The following ANO4 variants were observed in gnomAD, a reference collection of about 807,000 sequenced individuals.
ANO4 encodes the protein anoctamin-4.
In ANO4, 69 loss-of-function variants were observed where a neutral mutation model predicts 141.9. The ratio of observed to expected loss-of-function variants is 0.49; its 90% CI spans 0.40 to 0.59. ANO4 has a LOEUF of 0.59. Ranked by LOEUF, ANO4 falls within the 20% of genes least tolerant of loss-of-function variation. The pLI is 0.00. For missense variants in ANO4, 894 were observed against 1,162.2 expected, an observed-to-expected ratio of 0.77 and a Z score of 3.36; for synonymous variants, 350 against 394.3, an observed-to-expected ratio of 0.89 and a Z score of 1.33.
intron 8 of ANO4, among the ~76,000 whole-genome samples, chr12:101,012,057 A>G (rs1406719712): frequency 1.3e-5 from 2 of 152,310 alleles, no homozygotes; most frequent in African/African-American, 4.8e-5. Flanking sequence ...GCATCATTAT[A>G]AAATGATACT....
At chr12:100,907,414 T>G (rs780801482) in intron 2 of ANO4, among the ~76,000 whole-genome samples, 32 of 152,292 alleles carry the variant, frequency 2.1e-4, no homozygotes, top group Non-Finnish European at 4.0e-4. Flanking sequence ...GCTTTCTAGA[T>G]CTTATAGTCA....
upstream of ANO4, among the ~76,000 whole-genome samples, chr12:100,717,318 T>C (rs1412276714): frequency 1.3e-5 from 2 of 151,618 alleles, no homozygotes; most frequent in Non-Finnish European, 2.9e-5. Flanking sequence ...CCTGCCGCTC[T>C]CGCGGCGCAG....
At chr12:101,050,940 G>T (rs190833244) in intron 14 of ANO4, among the ~76,000 whole-genome samples, 32 of 152,250 alleles carry the variant, frequency 2.1e-4, no homozygotes, top group African/African-American at 7.2e-4. Flanking sequence ...GTGGTATCCT[G>T]GTGGTATCCT....
At chr12:100,923,804 T>C (rs1480117736) in intron 3 of ANO4, among the ~76,000 whole-genome samples, 1 of 152,182 alleles carries the variant, frequency 6.6e-6, no homozygotes, top group Non-Finnish European at 1.5e-5. Context: ...ATCTGTTGTT[T>C]CCTGGCTTTT....
At chr12:100,956,774 C>T (rs891154972) in intron 5 of ANO4, among the ~76,000 whole-genome samples, 2 of 152,164 alleles carry the variant, frequency 1.3e-5, no homozygotes, top group African/African-American at 2.4e-5. Flanking sequence ...TCTGATTGTT[C>T]AAGGGGATCT....
chr12:101,067,014 A>AAAAAAAAAAAAC, intron 14 of ANO4: 1 of 580,334 alleles, frequency 1.7e-6, no homozygotes, highest in South Asian at 2.1e-5. Context: ...AAAAAAAAAA[A>AAAAAAAAAAAAC]AAAGAAAGAA....
chr12:100,768,018 C>T lies in ANO4; in HGVS notation c.358+27913C>T, dbSNP rs114268698. Among the ~76,000 whole-genome samples, 1,211 of 152,150 alleles carry T rather than the reference C, an allele frequency of 8.0e-3. 17 individuals carry two copies. Among genetic ancestry groups the T allele is most frequent in the African/African-American group, 0.027 (1,137 of 41,506 alleles). ...TCAGTCAGCCTGTCTCTGTGGGTGC[C>T]GCCCTGGTCCCTTGGGCCATGGGGG... On this transcript the variant is annotated intron_variant, in intron 3 of 29. Transcript: ENST00000644049.
At chr12:100,986,748 C>T (rs1033432071) in intron 7 of ANO4, among the ~76,000 whole-genome samples, 8 of 152,138 alleles carry the variant, frequency 5.3e-5, no homozygotes, top group African/African-American at 1.7e-4. Flanking sequence ...GGTTTTTGCG[C>T]CTTCTGGTGT....
At chr12:100,844,450 A>T (rs2037453074) in intron 1 of ANO4, among the ~76,000 whole-genome samples, 1 of 152,084 alleles carries the variant, frequency 6.6e-6, no homozygotes, top group Non-Finnish European at 1.5e-5. Context: ...GGATGTGAGG[A>T]TGCCAGTTAA....
At position 101,040,007 on chromosome 12, in the gene ANO4, G is replaced by A. The variant is rs1202630749; in HGVS notation, c.950G>A (p.Arg317Gln). The change falls in exon 11 of 28, where the codon CGA (arginine) becomes CAA (glutamine). Residue 317 changes from arginine (R) to glutamine (Q), a missense_variant. By Grantham distance (43) the Arg-to-Gln change is conservative. Transcript: ENST00000392977. The part of the protein sequence containing the change: ...SIRTHGAENH[R>Q]HLLYECWASW... ...CGAACCCATGGAGCAGAAAACCACC[G>A]ACATCTACTCTATGAGTGCTGGGCC... 8.1e-6 allele frequency: 13 copies of A among 1,613,392 alleles called. No homozygotes were observed. Among genetic ancestry groups the A allele is most frequent in the South Asian group, 2.2e-5 (2 of 91,016 alleles).
intron 3 of ANO4, among the ~76,000 whole-genome samples, chr12:100,769,422 A>G (rs983060737): frequency 1.3e-5 from 2 of 152,218 alleles, no homozygotes; most frequent in Admixed American, 1.3e-4. Flanking sequence ...TAGGCATCCC[A>G]CTGGGGTGGA....
At chr12:100,855,791 A>G (rs2038134138) in intron 1 of ANO4, among the ~76,000 whole-genome samples, 1 of 152,206 alleles carries the variant, frequency 6.6e-6, no homozygotes, top group African/African-American at 2.4e-5. Context: ...CATAAATTTA[A>G]TACCTACTGT....
At chr12:100,807,271 G>A (rs916398742) in intron 1 of ANO4, among the ~76,000 whole-genome samples, 1 of 152,144 alleles carries the variant, frequency 6.6e-6, no homozygotes, top group African/African-American at 2.4e-5. Context: ...TGACATGGAA[G>A]GGTATCATCA....
rs142788106 is a variant in ANO4 at position 101,051,223 on chromosome 12, G to T, written c.1312+2822G>T. ...TTTTATCCCCTTGCCAACCTCAGCT[G>T]ATTGGTGCTGGCTGCCTGGAGCATG... On this transcript the variant is annotated intron_variant, in intron 14 of 27. Coordinates refer to ENST00000392977, the MANE Select transcript of ANO4 (RefSeq NM_001286615.2). Among the ~76,000 whole-genome samples the T allele has an allele frequency of 2.6e-5, 4 of 152,294 alleles. No homozygotes were observed. In the East Asian group the frequency reaches 7.7e-4, roughly 29 times the overall value.
At chr12:100,906,279 G>A (rs533326805) in intron 2 of ANO4, among the ~76,000 whole-genome samples, 3 of 152,140 alleles carry the variant, frequency 2.0e-5, no homozygotes, top group Admixed American at 1.3e-4. Flanking sequence ...GGTAAAGAGG[G>A]TACAAGACAT....
chr12:100,831,082 T>C (rs1426813173), intron 1 of ANO4, among the ~76,000 whole-genome samples: 1 of 152,118 alleles, frequency 6.6e-6, no homozygotes, highest in Non-Finnish European at 1.5e-5. Context: ...TTTGAACTGA[T>C]ATTTAAAACT....
At chr12:100,867,307 G>A (rs528993309) in intron 1 of ANO4, among the ~76,000 whole-genome samples, 1 of 152,220 alleles carries the variant, frequency 6.6e-6, no homozygotes, top group Admixed American at 6.5e-5. Context: ...TGAGCATTAA[G>A]CAAACTGGAG....
chr12:101,087,021 C>T (rs181284825), intron 17 of ANO4, among the ~76,000 whole-genome samples, 197 bp downstream of exon 17: 6 of 152,220 alleles, frequency 3.9e-5, no homozygotes, highest in East Asian at 1.9e-4. Flanking sequence ...ATCTAGACTC[C>T]GGGCTTTTCT....
chr12:101,091,878 T>C (rs957694449), intron 17 of ANO4, among the ~76,000 whole-genome samples: 2 of 152,090 alleles, frequency 1.3e-5, no homozygotes, highest in Non-Finnish European at 1.5e-5. Context: ...TTATATTATT[T>C]TTACAAAAGC....
Sources: allele counts gnomAD v4.1 joint callset (sites outside exome capture counted in the v4.1 genomes callset), GRCh38; gene constraint gnomAD v4.1.1; transcripts MANE v1.5; gene names NCBI Gene and HGNC (gene_info 2026-07-23, HGNC 2026-07-21).